SAMD3: variants seen among roughly 807,000 people sequenced by gnomAD.
The protein encoded by SAMD3 is sterile alpha motif domain containing 3, also known as sterile alpha motif domain-containing protein 3.
Under a neutral mutation model 58.5 loss-of-function variants are expected in SAMD3, and 63 were observed. That is an observed-to-expected ratio of 1.08 (90% CI 0.88 to 1.33). The LOEUF is 1.33. SAMD3 is among the 40% of genes most tolerant of loss of function. SAMD3 has a pLI of 0.00. For synonymous variants in SAMD3, 220 were observed against 210.3 expected, an observed-to-expected ratio of 1.05 and a Z score of -0.40; for missense variants, 604 against 608.4, an observed-to-expected ratio of 0.99 and a Z score of 0.08.
upstream of SAMD3, among the ~76,000 whole-genome samples, chr6:130,223,872 G>T (rs773430138): frequency 6.6e-6 from 1 of 152,202 alleles, no homozygotes; most frequent in Admixed American, 6.5e-5. Flanking sequence ...CCATCCGCAG[G>T]TGGCTTGTGT....
intron 2 of SAMD3, among the ~76,000 whole-genome samples, chr6:130,251,737 C>T: frequency 6.6e-6 from 1 of 152,052 alleles, no homozygotes; most frequent in East Asian, 1.9e-4. Context: ...TATACTTGTG[C>T]CAGTACCATA....
intron 8 of SAMD3, among the ~76,000 whole-genome samples, chr6:130,156,483 A>G (rs1789793862): frequency 6.6e-6 from 1 of 152,198 alleles, no homozygotes; most frequent in Admixed American, 6.5e-5. Flanking sequence ...GGAACAACTA[A>G]CTTGAATTTA....
intron 8 of SAMD3, among the ~76,000 whole-genome samples, chr6:130,174,395 C>A (rs976510574): frequency 2.6e-5 from 4 of 152,222 alleles, no homozygotes; most frequent in African/African-American, 9.6e-5. Flanking sequence ...TCCCTCATGG[C>A]TTCCTTTGGC....
chr6:130,305,210 C>T (rs950372670), intron 2 of SAMD3, among the ~76,000 whole-genome samples: 17 of 152,010 alleles, frequency 1.1e-4, no homozygotes, highest in Non-Finnish European at 2.9e-5. Context: ...TGTAAAATTA[C>T]ATTTTCTATT....
intron 5 of SAMD3, among the ~76,000 whole-genome samples, chr6:130,192,971 C>T (rs930160747): frequency 2.0e-5 from 3 of 152,196 alleles, no homozygotes; most frequent in Non-Finnish European, 4.4e-5. Flanking sequence ...AATTTCAATT[C>T]CTTTCATTTT....
intron 1 of SAMD3, among the ~76,000 whole-genome samples, chr6:130,339,429 G>A (rs112979022): frequency 1.3e-5 from 2 of 152,268 alleles, no homozygotes; most frequent in African/African-American, 4.8e-5. Context: ...GATCATAGGG[G>A]TGGGTTCCTC....
Position 130,187,860 on chromosome 6 carries a change from C to G in SAMD3, c.384-3237G>C, listed in dbSNP as rs1368115044. On this transcript the variant is annotated intron_variant, in intron 5 of 11. Transcript: ENST00000439090. ...ATCAGCACCACAAAGCAACAGATCT[C>G]TAACCCAAGGTATCTCAATCCTGGG... Among the ~76,000 whole-genome samples the G allele has an allele frequency of 2.6e-5, 4 of 152,328 alleles. No homozygotes were observed. In the East Asian group the frequency reaches 5.8e-4, roughly 22 times the overall value.
chr6:130,246,464 G>T (rs1325279213), intron 2 of SAMD3, among the ~76,000 whole-genome samples: 1 of 150,666 alleles, frequency 6.6e-6, no homozygotes, highest in Non-Finnish European at 1.5e-5. Context: ...AAGAAAAACT[G>T]ATTATAAGCT....
In SAMD3 at chr6:130,145,331, A is replaced by T; in HGVS notation, c.1278+9T>A. The T allele has an allele frequency of 2.7e-6, 4 of 1,475,540 alleles. No homozygotes were observed. The highest frequency in any genetic ancestry group is 2.8e-6 in the Non-Finnish European group (3 of 1,087,424). 91.4% of individuals were successfully genotyped at this position (1,475,540 alleles called of 1,614,324 possible). A position where few individuals can be genotyped will look rare whatever the true frequency, so the allele number is the denominator to read the frequency against. ...ATGTCAAACTAGTGGCCATTCACAT[A>T]CTACATACCTGTTCATTCATGATGA... On this transcript the variant is annotated intron_variant, in intron 11 of 11. Coordinates refer to ENST00000439090, the MANE Select transcript of SAMD3 (RefSeq NM_001017373.4).
chr6:130,191,582 G>A (rs556222488), intron 5 of SAMD3, among the ~76,000 whole-genome samples: 1 of 150,944 alleles, frequency 6.6e-6, no homozygotes, highest in East Asian at 1.9e-4. Flanking sequence ...ATTTCTTTTC[G>A]AATTAGAGGA....
At chr6:130,317,308 AAAG>A (rs1364072733) in intron 1 of SAMD3, among the ~76,000 whole-genome samples, 4 of 152,204 alleles carry the variant, frequency 2.6e-5, no homozygotes, top group African/African-American at 9.6e-5. Context: ...AGAACTTTCC[AAAG>A]AAGAACCACA....
chr6:130,201,298 C>T (rs1794632931), intron 5 of SAMD3, among the ~76,000 whole-genome samples: 1 of 152,150 alleles, frequency 6.6e-6, no homozygotes, highest in Admixed American at 6.5e-5. Flanking sequence ...GTTTTCAATT[C>T]TCACTATACA....
intron 5 of SAMD3, among the ~76,000 whole-genome samples, chr6:130,198,336 C>A (rs1424380903): frequency 1.3e-5 from 2 of 152,236 alleles, no homozygotes; most frequent in East Asian, 3.9e-4. Flanking sequence ...TCCTGAGCAG[C>A]TAGGACTACA....
intron 2 of SAMD3, among the ~76,000 whole-genome samples, chr6:130,292,582 C>G (rs938961516): frequency 6.6e-6 from 1 of 151,362 alleles, no homozygotes; most frequent in African/African-American, 2.4e-5. Context: ...TCACCATGCC[C>G]GGCCCGGAAC....
intron 2 of SAMD3, among the ~76,000 whole-genome samples, chr6:130,297,304 C>A (rs1340301134): frequency 6.6e-6 from 1 of 152,172 alleles, no homozygotes; most frequent in African/African-American, 2.4e-5. Context: ...ACTGAAAACA[C>A]CCAGGAATGA....
At chr6:130,186,848 G>A (rs1793026952) in intron 5 of SAMD3, among the ~76,000 whole-genome samples, 1 of 140,824 alleles carries the variant, frequency 7.1e-6, no homozygotes, top group Admixed American at 7.7e-5. Context: ...TCGGCTCACT[G>A]CAACCTCCGC....
At chr6:130,267,785 A>T (rs1428879357) in intron 2 of SAMD3, among the ~76,000 whole-genome samples, 1 of 152,198 alleles carries the variant, frequency 6.6e-6, no homozygotes, top group Admixed American at 6.5e-5. Flanking sequence ...CCACCAGTGC[A>T]TGCAGCCCCT....
At chr6:130,276,474 AATAAT>A (rs1774779203) in intron 2 of SAMD3, among the ~76,000 whole-genome samples, 1 of 152,182 alleles carries the variant, frequency 6.6e-6, no homozygotes, top group African/African-American at 2.4e-5. Flanking sequence ...GAGTGGGTGG[AATAAT>A]ATGAGTCTCT....
chr6:130,181,433 C>T (rs967257318), intron 7 of SAMD3, among the ~76,000 whole-genome samples: 1 of 152,150 alleles, frequency 6.6e-6, no homozygotes, highest in South Asian at 2.1e-4. Context: ...AAACATCCAT[C>T]CAGGCACCAG....
Sources: gnomAD v4.1 joint callset for allele counts (sites outside exome capture counted in the v4.1 genomes callset) on GRCh38, gnomAD v4.1.1 for gene constraint, MANE v1.5 for transcripts, NCBI Gene and HGNC (gene_info 2026-07-23, HGNC 2026-07-21) for gene names.